The following SPAG16 variants were observed in gnomAD, a reference collection of about 807,000 sequenced individuals.
SPAG16 encodes sperm associated antigen 16.
In SPAG16, 86 loss-of-function variants were observed where a neutral mutation model predicts 80.4. The ratio of observed to expected loss-of-function variants is 1.07; its 90% CI spans 0.90 to 1.28. SPAG16 has a LOEUF of 1.28. SPAG16 is among the 50% of genes most tolerant of loss of function. SPAG16 has a pLI of 0.00. For missense variants in SPAG16, 870 were observed against 765.3 expected (o/e 1.14, Z -1.61); for synonymous variants, 294 against 265.9 (o/e 1.11, Z -1.03).
chr2:213,721,265 A>AT (rs1186814041), intron 10 of SPAG16, among the ~76,000 whole-genome samples: 6 of 151,506 alleles, frequency 4.0e-5, no homozygotes, highest in Non-Finnish European at 8.8e-5. Context: ...CGCCCAGCTC[A>AT]TTTTTGTATT....
intron 10 of SPAG16, among the ~76,000 whole-genome samples, chr2:213,509,308 A>G (rs959383632): frequency 6.6e-6 from 1 of 152,202 alleles, no homozygotes; most frequent in Non-Finnish European, 1.5e-5. Context: ...TTCCAGATAG[A>G]GTAGACCAAA....
chr2:214,144,539 G>A (rs1027589102), intron 14 of SPAG16, among the ~76,000 whole-genome samples: 1 of 151,988 alleles, frequency 6.6e-6, no homozygotes, highest in Non-Finnish European at 1.5e-5. Flanking sequence ...AGAATGTACT[G>A]CTAAACAAAC....
chr2:213,865,951 C>T (rs951611787), intron 11 of SPAG16, among the ~76,000 whole-genome samples: 56 of 148,032 alleles, frequency 3.8e-4, no homozygotes, highest in African/African-American at 1.3e-3. Flanking sequence ...TATATATGTG[C>T]TTAAATTTTT....
intron 10 of SPAG16, among the ~76,000 whole-genome samples, chr2:213,729,121 A>G (rs1174936290): frequency 6.6e-6 from 1 of 152,164 alleles, no homozygotes; most frequent in East Asian, 1.9e-4. Context: ...AACATTTATT[A>G]GGCTTGAGGA....
At chr2:214,165,952 A>G (rs1453418827) in intron 15 of SPAG16, among the ~76,000 whole-genome samples, 1 of 152,152 alleles carries the variant, frequency 6.6e-6, no homozygotes, top group Non-Finnish European at 1.5e-5. Context: ...AAAATAATTC[A>G]AAAAGACATC....
At chr2:213,437,948 A>T (rs1264767811) in intron 9 of SPAG16, among the ~76,000 whole-genome samples, 2 of 152,202 alleles carry the variant, frequency 1.3e-5, no homozygotes, top group Non-Finnish European at 2.9e-5. Context: ...ATTTCAGAGT[A>T]GCTTAGTTTT....
intron 15 of SPAG16, among the ~76,000 whole-genome samples, chr2:214,387,394 G>T (rs921765025): frequency 1.3e-5 from 2 of 152,138 alleles, no homozygotes; most frequent in African/African-American, 4.8e-5. Context: ...CAGCATCTCA[G>T]TATATAACTG....
At chr2:214,224,603 G>A (rs1316374814) in intron 15 of SPAG16, among the ~76,000 whole-genome samples, 6 of 152,134 alleles carry the variant, frequency 3.9e-5, no homozygotes, top group Admixed American at 6.6e-5. Context: ...GGGAAAGGCT[G>A]TACAAATAAT....
rs539814020 is a variant in SPAG16, at chr2:214,019,709, G to A, written c.1527+5632G>A. ...TAGGATCTGGTGAACTCTAAGAGGA[G>A]CCTAATATTCAGAATCCAGAATGTG... On this transcript the variant is annotated intron_variant, in intron 13 of 15. Transcript: ENST00000331683. Among the ~76,000 whole-genome samples the A allele has an allele frequency of 7.9e-5, 12 of 152,250 alleles. No individual in the cohort carries two copies. In the East Asian group the frequency reaches 1.4e-3, roughly 17 times the overall value.
At chr2:213,976,205 C>T (rs2045386769) in intron 12 of SPAG16, among the ~76,000 whole-genome samples, 1 of 149,154 alleles carries the variant, frequency 6.7e-6, no homozygotes, top group Non-Finnish European at 1.5e-5. Context: ...TATATATACA[C>T]ATACATATGT....
At chr2:213,314,867 T>G (rs1162796536) in intron 4 of SPAG16, among the ~76,000 whole-genome samples, 2 of 151,946 alleles carry the variant, frequency 1.3e-5, no homozygotes, top group East Asian at 3.9e-4. Flanking sequence ...AATTTATGAT[T>G]CAATTGATAC....
intron 5 of SPAG16, among the ~76,000 whole-genome samples, chr2:213,320,688 T>G (rs1048325041): frequency 1.3e-5 from 2 of 152,074 alleles, no homozygotes; most frequent in Admixed American, 6.6e-5. Flanking sequence ...CCTGGCTTAT[T>G]TCTCTTAACA....
chr2:214,092,533 C>G (rs192547990), intron 13 of SPAG16, among the ~76,000 whole-genome samples: 1 of 150,774 alleles, frequency 6.6e-6, no homozygotes, highest in South Asian at 2.1e-4. Flanking sequence ...GGCCCTTTAT[C>G]TGTTTATCTG....
At chr2:214,212,703 ACT>A (rs1375539691) in intron 15 of SPAG16, among the ~76,000 whole-genome samples, 1 of 151,890 alleles carries the variant, frequency 6.6e-6, no homozygotes, top group Non-Finnish European at 1.5e-5. Flanking sequence ...AGCTAGCTCT[ACT>A]CTTTCTATTT....
intron 12 of SPAG16, among the ~76,000 whole-genome samples, chr2:213,933,210 A>G (rs991329556): frequency 2.6e-5 from 4 of 152,146 alleles, no homozygotes; most frequent in Non-Finnish European, 4.4e-5. Context: ...AATAATTTGT[A>G]TTTCTTTAGA....
At chr2:213,751,650 T>C (rs2068082265) in intron 10 of SPAG16, among the ~76,000 whole-genome samples, 2 of 152,200 alleles carry the variant, frequency 1.3e-5, no homozygotes, top group Admixed American at 6.5e-5. Context: ...ACTTCCTTAT[T>C]GTGTCTCCCC....
intron 11 of SPAG16, among the ~76,000 whole-genome samples, chr2:213,918,266 G>A (rs1029009191): frequency 6.6e-6 from 1 of 152,116 alleles, no homozygotes; most frequent in African/African-American, 2.4e-5. Context: ...TTTGTGTCAG[G>A]AAAATAGTGG....
chr2:214,130,376 T>G (rs1278473452), intron 14 of SPAG16, among the ~76,000 whole-genome samples: 1 of 152,174 alleles, frequency 6.6e-6, no homozygotes, highest in Non-Finnish European at 1.5e-5. Flanking sequence ...GGCCACCTGG[T>G]TCTGTATTAA....
chr2:213,478,804 CTTAA>C (rs1197568448), intron 9 of SPAG16, among the ~76,000 whole-genome samples: 1 of 152,122 alleles, frequency 6.6e-6, no homozygotes. Context: ...GGAGGCTTCA[CTTAA>C]TTATTCTTAT....
Sources: allele counts gnomAD v4.1 joint callset (sites outside exome capture counted in the v4.1 genomes callset), GRCh38; gene constraint gnomAD v4.1.1; transcripts MANE v1.5; gene names NCBI Gene and HGNC (gene_info 2026-07-23, HGNC 2026-07-21).